The following PCDH7 variants were observed in gnomAD, a reference collection of about 807,000 sequenced individuals.
PCDH7 encodes protocadherin-7.
Under a neutral mutation model 58.9 loss-of-function variants are expected in PCDH7, and 17 were observed. The observed-to-expected ratio is 0.29, with a 90% CI of 0.20 to 0.43. The LOEUF (loss-of-function observed/expected upper bound fraction) is 0.43, where lower values mean the gene tolerates loss of function less well. Among genes scored for constraint, PCDH7 ranks in the 20% least tolerant of loss-of-function variants. PCDH7 has a pLI of 1.00. For synonymous variants in PCDH7, 664 were observed against 616.4 expected, an observed-to-expected ratio of 1.08 and a Z score of -1.14; for missense variants, 1,274 against 1,441.0, an observed-to-expected ratio of 0.88 and a Z score of 1.88.
chr4:30,768,001 TTGTC>T (rs1720960720), intron 1 of PCDH7, among the ~76,000 whole-genome samples: 1 of 152,200 alleles, frequency 6.6e-6, no homozygotes, highest in African/African-American at 2.4e-5. Flanking sequence ...TATGTCTCCT[TTGTC>T]TGAAAACATT....
intron 1 of PCDH7, among the ~76,000 whole-genome samples, chr4:30,738,851 A>G (rs990714102): frequency 6.6e-6 from 1 of 152,038 alleles, no homozygotes. Flanking sequence ...ATTTTCATGC[A>G]CAGTGGCATA....
chr4:30,834,324 A>T (rs1183161509), intron 1 of PCDH7, among the ~76,000 whole-genome samples: 1 of 152,194 alleles, frequency 6.6e-6, no homozygotes, highest in Non-Finnish European at 1.5e-5. Flanking sequence ...ACGAGGCCTC[A>T]TAAATTGTAT....
intron 3 of PCDH7, among the ~76,000 whole-genome samples, chr4:30,961,854 A>C (rs2109460716): frequency 6.6e-6 from 1 of 152,284 alleles, no homozygotes; most frequent in East Asian, 1.9e-4. Context: ...AATATGGATA[A>C]ATTGTCTGCT....
At chr4:31,142,540 C>G in exon 4 of PCDH7, 1 of 1,367,790 alleles carries the variant, frequency 7.3e-7, no homozygotes, top group Non-Finnish European at 9.8e-7. Flanking sequence ...AGTATGGCCA[C>G]TCAGACTCCT....
chr4:30,738,988 G>A lies in PCDH7; in HGVS notation c.70+14392G>A, dbSNP rs192333278. On this transcript the variant is annotated intron_variant, in intron 1 of 3. Coordinates refer to the PCDH7 transcript ENST00000509759. ...ATTATTATGTACGCATGCAATACAC[G>A]TTTTATCATGAGACCAATCCATGGA... Among the ~76,000 whole-genome samples, 468 of 151,678 alleles carry A rather than the reference G, an allele frequency of 3.1e-3. 5 individuals carry two copies. Among genetic ancestry groups the A allele is most frequent in the African/African-American group, 0.011 (444 of 41,354 alleles).
At chr4:31,142,864 A>G in exon 4 of PCDH7, 1 of 1,350,360 alleles carries the variant, frequency 7.4e-7, no homozygotes, top group Non-Finnish European at 9.8e-7. Context: ...TAAAGGAGCA[A>G]CAGCAAAGTT....
intron 1 of PCDH7, among the ~76,000 whole-genome samples, chr4:30,866,305 T>G (rs1205763388): frequency 6.6e-6 from 1 of 152,118 alleles, no homozygotes; most frequent in Non-Finnish European, 1.5e-5. Flanking sequence ...ATATCTACAT[T>G]ATTTCATTAA....
intron 1 of PCDH7, among the ~76,000 whole-genome samples, chr4:30,728,292 TATATAGAGAGAG>T (rs1714927900): frequency 4.0e-5 from 4 of 99,176 alleles, no homozygotes; most frequent in African/African-American, 1.0e-4. Flanking sequence ...TATATATATA[TATATAGAGAGAG>T]AGAGAGAGAG....
At chr4:30,908,119 G>A (rs1741220622) in intron 1 of PCDH7, among the ~76,000 whole-genome samples, 2 of 151,950 alleles carry the variant, frequency 1.3e-5, no homozygotes, top group Non-Finnish European at 2.9e-5. Flanking sequence ...GGCTAGGGGA[G>A]GGATAGCATT....
chr4:31,019,742 G>A (rs138451227), intron 3 of PCDH7, among the ~76,000 whole-genome samples: 172 of 151,036 alleles, frequency 1.1e-3, no homozygotes, highest in African/African-American at 4.0e-3. Context: ...GTTAACTACA[G>A]GAGAGGAACC....
chr4:30,750,959 C>T lies in PCDH7; in HGVS notation c.70+26363C>T, dbSNP rs116168453. Among the ~76,000 whole-genome samples the T allele has an allele frequency of 8.1e-3, 1,110 of 136,864 alleles. 5 individuals are homozygous for T. Among genetic ancestry groups the T allele is most frequent in the Admixed American group, 0.018 (229 of 12,960 alleles). 89.8% of individuals were successfully genotyped at this position (136,864 alleles called of 152,430 possible). On this transcript the variant is annotated intron_variant, in intron 1 of 3. Coordinates refer to the PCDH7 transcript ENST00000509759. ...CAGAGTTGTTAAGGAAAGGCAGGTA[C>T]TTTTTGGTGCAGGGAAGGAAAAAAA...
chr4:31,055,169 T>C (rs764139960), intron 3 of PCDH7, among the ~76,000 whole-genome samples: 67 of 152,300 alleles, frequency 4.4e-4, no homozygotes, highest in Non-Finnish European at 7.9e-4. Context: ...TTTTTTTATT[T>C]ATGTCATCCA....
chr4:30,975,267 C>T (rs1749972621), intron 3 of PCDH7, among the ~76,000 whole-genome samples: 1 of 150,948 alleles, frequency 6.6e-6, no homozygotes, highest in South Asian at 2.1e-4. Context: ...CTGCAACCAC[C>T]TATAGTTTGT....
intron 2 of PCDH7, among the ~76,000 whole-genome samples, chr4:30,924,129 G>T (rs186849133): frequency 6.6e-5 from 10 of 152,192 alleles, no homozygotes; most frequent in African/African-American, 2.4e-4. Context: ...ATTTATCCTG[G>T]TCCCTACCTT....
intron 3 of PCDH7, among the ~76,000 whole-genome samples, chr4:31,027,632 A>G (rs1754546179): frequency 6.6e-6 from 1 of 152,120 alleles, no homozygotes; most frequent in African/African-American, 2.4e-5. Context: ...CATGTTGGCC[A>G]GGATAGCTTC....
intron 3 of PCDH7, among the ~76,000 whole-genome samples, chr4:31,028,958 C>G (rs1026159303): frequency 5.9e-5 from 9 of 152,296 alleles, no homozygotes; most frequent in Middle Eastern, 3.4e-3. Context: ...TGATGATTGA[C>G]TATGCCCAGA....
intron 3 of PCDH7, among the ~76,000 whole-genome samples, chr4:31,056,613 GA>G (rs1757269255): frequency 6.7e-6 from 1 of 149,736 alleles, no homozygotes; most frequent in African/African-American, 2.5e-5. Context: ...GAGAGAGAGA[GA>G]GTGAAAGACA....
chr4:31,016,899 T>G (rs1266411133), intron 3 of PCDH7, among the ~76,000 whole-genome samples: 2 of 148,606 alleles, frequency 1.3e-5, no homozygotes, highest in African/African-American at 5.0e-5. Context: ...GTGTGCTGGG[T>G]GTGTGTGTGT....
intron 3 of PCDH7, among the ~76,000 whole-genome samples, chr4:30,979,341 A>G (rs1393188514): frequency 7.4e-6 from 1 of 135,826 alleles, no homozygotes. Flanking sequence ...AAAAAAAAAG[A>G]AAAAAAAGAA....
Sources: gnomAD v4.1 joint callset for allele counts (sites outside exome capture counted in the v4.1 genomes callset) on GRCh38, gnomAD v4.1.1 for gene constraint, MANE v1.5 for transcripts, NCBI Gene and HGNC (gene_info 2026-07-23, HGNC 2026-07-21) for gene names.